SHISA6: variants seen among roughly 807,000 people sequenced by gnomAD.
The protein encoded by SHISA6 is shisa family member 6.
A neutral mutation model predicts 47.9 loss-of-function variants in SHISA6; 22 were observed. The ratio of observed to expected loss-of-function variants is 0.46; its 90% CI spans 0.33 to 0.66. The LOEUF (loss-of-function observed/expected upper bound fraction) is 0.66. Ranked by LOEUF, SHISA6 falls within the 30% of genes least tolerant of loss-of-function variation. The probability of loss-of-function intolerance (pLI) is 0.02; values close to 1 mark genes in which losing one functional copy is unlikely to be tolerated. For missense variants in SHISA6, 680 were observed against 764.6 expected, an observed-to-expected ratio of 0.89 and a Z score of 1.30; for synonymous variants, 388 against 337.8, an observed-to-expected ratio of 1.15 and a Z score of -1.63.
chr17:11,469,033 A>G (rs1915875595), intron 3 of SHISA6, among the ~76,000 whole-genome samples: 1 of 150,804 alleles, frequency 6.6e-6, no homozygotes. Context: ...AAAAAAAAAA[A>G]AAAAAAAAAA....
At chr17:11,514,621 C>T (rs2071567569) in intron 3 of SHISA6, among the ~76,000 whole-genome samples, 1 of 152,180 alleles carries the variant, frequency 6.6e-6, no homozygotes, top group African/African-American at 2.4e-5. Flanking sequence ...CCCTGTGAAG[C>T]ACATCTTTGT....
At chr17:11,300,669 CTTT>C (rs201580011) in intron 2 of SHISA6, among the ~76,000 whole-genome samples, 2 of 136,236 alleles carry the variant, frequency 1.5e-5, no homozygotes, top group East Asian at 2.1e-4. Context: ...TTTTCTTTTT[CTTT>C]TTTTTTTTTT....
intron 3 of SHISA6, among the ~76,000 whole-genome samples, chr17:11,451,258 A>G (rs755334020): frequency 6.6e-6 from 1 of 152,140 alleles, no homozygotes; most frequent in Non-Finnish European, 1.5e-5. Context: ...TTTCCCTACA[A>G]TACACAAAGT....
chr17:11,397,513 AG>A (rs1376136332), intron 3 of SHISA6, among the ~76,000 whole-genome samples: 1 of 151,742 alleles, frequency 6.6e-6, no homozygotes, highest in Non-Finnish European at 1.5e-5. Flanking sequence ...AGATTGCTCA[AG>A]TAGGGCTTGT....
In SHISA6 at chr17:11,241,584, C is replaced by T. The variant is rs951069810; in HGVS notation, c.162C>T (p.Gly54=). Residue 54 remains glycine, a synonymous_variant, in exon 1 of 6, where the codon GGC becomes GGT. Transcript: ENST00000441885. This position sits in a 1 kb window ranked among gnomAD's most constrained non-coding sequence, Gnocchi z 5.5. The part of the protein sequence containing the change: ...GRRAGGALAR[G]GRELNGTARA... Reference sequence around the variant, plus strand: ...GGGCCGGGGGCGCCCTGGCACGGGGCGGCCGCGAGCTGAACGGCACCGCCC... The same window carrying T: ...GGGCCGGGGGCGCCCTGGCACGGGGTGGCCGCGAGCTGAACGGCACCGCCC... 3.0e-5 allele frequency: 34 copies of T among 1,145,258 alleles called. No individual in the cohort carries two copies. The highest frequency in any genetic ancestry group is 7.2e-4 in the Middle Eastern group (2 of 2,760). The allele number at this position is 1,145,258 out of a possible 1,614,324, so 70.9% of individuals were successfully genotyped here. A position where few individuals can be genotyped will look rare whatever the true frequency, so the allele number is the denominator to read the frequency against.
intron 1 of SHISA6, among the ~76,000 whole-genome samples, chr17:11,245,192 T>C (rs773124527): frequency 7.9e-5 from 12 of 152,214 alleles, no homozygotes; most frequent in Non-Finnish European, 1.3e-4. Flanking sequence ...CTAGCTGGAC[T>C]CCGTGGAGGA....
chr17:11,268,870 G>A (rs1263832289), intron 2 of SHISA6, among the ~76,000 whole-genome samples: 1 of 152,128 alleles, frequency 6.6e-6, no homozygotes, highest in African/African-American at 2.4e-5. Context: ...ACAGATGCTG[G>A]TTATGCAGCT....
At chr17:11,453,083 T>C (rs1187973576) in intron 3 of SHISA6, among the ~76,000 whole-genome samples, 1 of 152,158 alleles carries the variant, frequency 6.6e-6, no homozygotes, top group Non-Finnish European at 1.5e-5. Flanking sequence ...TTGGCATTAA[T>C]TTCCTTTCAG....
rs1027232629 is a variant in SHISA6 at position 11,351,786 on chromosome 17, C to T, written c.800-27628C>T. Among the ~76,000 whole-genome samples the T allele has an allele frequency of 2.0e-5, 3 of 152,030 alleles. 1 individual carries two copies. Among genetic ancestry groups the T allele is most frequent in the South Asian group, 4.1e-4 (2 of 4,826 alleles). ...CATTTTAGGAAGTCAGGAATGGCACCGTCAAATGAAAGAGGGGGATGAAAG... is the reference window on the plus strand; with the variant it reads ...CATTTTAGGAAGTCAGGAATGGCACTGTCAAATGAAAGAGGGGGATGAAAG... On this transcript the variant is annotated intron_variant, in intron 2 of 5. Transcript: ENST00000441885.
intron 3 of SHISA6, among the ~76,000 whole-genome samples, chr17:11,414,098 G>C (rs1308676101): frequency 3.4e-5 from 5 of 144,930 alleles, no homozygotes; most frequent in African/African-American, 1.0e-4. Context: ...CCCTCCCATT[G>C]CTCCTCCTTT....
At chr17:11,384,387 A>G (rs1567590852) in intron 3 of SHISA6, among the ~76,000 whole-genome samples, 1 of 152,258 alleles carries the variant, frequency 6.6e-6, no homozygotes, top group Non-Finnish European at 1.5e-5. Flanking sequence ...CAGCATGAAC[A>G]CTAGATTGGC....
intron 2 of SHISA6, among the ~76,000 whole-genome samples, chr17:11,297,707 C>T (rs571458887): frequency 3.3e-5 from 5 of 152,264 alleles, no homozygotes; most frequent in East Asian, 3.9e-4. Flanking sequence ...TTTTTCTTAC[C>T]GTAGAAGAAG....
intron 2 of SHISA6, among the ~76,000 whole-genome samples, chr17:11,347,850 A>T (rs1264572057): frequency 1.3e-5 from 2 of 152,158 alleles, no homozygotes; most frequent in Non-Finnish European, 1.5e-5. Context: ...TCAGAGCTGC[A>T]TCTGGCCTGG....
chr17:11,320,871 A>G (rs1005299863), intron 2 of SHISA6, among the ~76,000 whole-genome samples: 5 of 152,216 alleles, frequency 3.3e-5, no homozygotes, highest in African/African-American at 1.2e-4. Context: ...CCAGAGAATC[A>G]TCATTTTGTG....
chr17:11,399,663 C>T (rs968747134), intron 3 of SHISA6, among the ~76,000 whole-genome samples: 8 of 152,302 alleles, frequency 5.3e-5, no homozygotes, highest in African/African-American at 1.9e-4. Flanking sequence ...CTCAGGTGAT[C>T]TGCCTGTCTC....
intron 3 of SHISA6, among the ~76,000 whole-genome samples, chr17:11,514,615 G>A (rs151115045): frequency 1.3e-5 from 2 of 152,312 alleles, no homozygotes; most frequent in East Asian, 3.9e-4. Flanking sequence ...GCATCCCCCT[G>A]TGAAGCACAT....
intron 2 of SHISA6, among the ~76,000 whole-genome samples, chr17:11,326,141 T>G (rs1910881011): frequency 6.6e-6 from 1 of 151,932 alleles, no homozygotes; most frequent in Admixed American, 6.6e-5. Context: ...CGTGGTGGCA[T>G]GCACCTGTAG....
intron 2 of SHISA6, among the ~76,000 whole-genome samples, chr17:11,274,918 G>C (rs756593070): frequency 3.9e-5 from 6 of 152,188 alleles, no homozygotes; most frequent in Non-Finnish European, 8.8e-5. Flanking sequence ...GGGCGAGGAG[G>C]AGAGTGGAGG....
At chr17:11,491,073 A>T (rs1916464356) in intron 3 of SHISA6, among the ~76,000 whole-genome samples, 1 of 152,126 alleles carries the variant, frequency 6.6e-6, no homozygotes, top group African/African-American at 2.4e-5. Context: ...GCCCAGTGTC[A>T]GTGTCGGGTT....
Sources: allele counts gnomAD v4.1 joint callset (sites outside exome capture counted in the v4.1 genomes callset), GRCh38; gene constraint gnomAD v4.1.1; non-coding constraint Gnocchi (gnomAD v3.1); transcripts MANE v1.5; gene names NCBI Gene and HGNC (gene_info 2026-07-23, HGNC 2026-07-21).